Variants in ABRAXAS2 observed in about 807,000 individuals in gnomAD.
ABRAXAS2 encodes the protein BRISC complex subunit Abraxas 2.
In ABRAXAS2, 23 loss-of-function variants were observed where a neutral mutation model predicts 49.0. The ratio of observed to expected loss-of-function variants is 0.47; its 90% CI spans 0.34 to 0.66. The LOEUF is 0.66. Ranked by LOEUF, ABRAXAS2 falls within the 30% of genes least tolerant of loss-of-function variation. The pLI is 0.01. For synonymous variants in ABRAXAS2, 168 were observed against 180.2 expected (o/e 0.93, Z 0.54); for missense variants, 443 against 511.9 (o/e 0.87, Z 1.30).
chr10:124,836,204 CTG>C lies in ABRAXAS2; in HGVS notation c.*1235_*1236del, dbSNP rs1950967501. On this transcript the variant is annotated 3_prime_UTR_variant, in exon 9 of 9. Transcript: ENST00000298492. ...GCCTTCCCTTTGAACTAGTTAAAAT[CTG>C]TAAGAATAAGGAAGTTGTTGAAGGC... 6.6e-6 allele frequency: 1 copy of C among 152,534 alleles called. No homozygotes were observed. The highest frequency in any genetic ancestry group is 2.4e-5 in the African/African-American group (1 of 41,420). 9.4% of individuals were successfully genotyped at this position (152,534 alleles called of 1,614,324 possible).
chr10:124,816,437 C>A, intron 2 of ABRAXAS2, 139 bp from the exon 3 acceptor site: 1 of 626,494 alleles, frequency 1.6e-6, no homozygotes, highest in Non-Finnish European at 2.8e-6. Context: ...GACTGGTGTA[C>A]ATGTAGCAAC....
chr10:124,830,623 A>G (rs966520614), intron 7 of ABRAXAS2, among the ~76,000 whole-genome samples: 1 of 152,222 alleles, frequency 6.6e-6, no homozygotes, highest in Non-Finnish European at 1.5e-5. Context: ...AGAATAGGGA[A>G]CTTTATACAG....
intron 5 of ABRAXAS2, 144 bp downstream of exon 5, chr10:124,826,929 T>A: frequency 1.3e-6 from 1 of 796,072 alleles, no homozygotes; most frequent in South Asian, 1.7e-5. Flanking sequence ...CTGGCCAACA[T>A]GGTGAAATTC....
chr10:124,834,796 T>A lies in ABRAXAS2; in HGVS notation c.1073T>A (p.Leu358His), dbSNP rs1950959346. 2 of 1,614,008 alleles carry A rather than the reference T, an allele frequency of 1.2e-6. No homozygotes were observed. The highest frequency in any genetic ancestry group is 3.3e-5 in the Admixed American group (2 of 59,984). The change falls in exon 9 of 9, where the codon CTT becomes CAT. Residue 358 changes from leucine to histidine, a missense_variant. Physicochemically the swap from Leu to His is moderately conservative, Grantham distance 99. This residue lies in a region of ABRAXAS2 where 230 missense variants were observed against 237.0 expected (regional missense o/e 0.97). Coordinates refer to ENST00000298492, the MANE Select transcript of ABRAXAS2 (RefSeq NM_032182.4). The stretch of plus-strand genomic sequence containing the variant: ...AAGTATCCTGGAAGTGGGGCTGACC[T>A]TCCTCCTCCCCAAAGAGCAGCTGGA... The part of the protein sequence containing the change: ...GLKYPGSGAD[L>H]PPPQRAAGDS...
rs1359869266 is a variant in ABRAXAS2 at position 124,835,950 on chromosome 10, C to T, written c.*979C>T. 2.6e-5 allele frequency: 4 copies of T among 152,592 alleles called. No homozygotes were observed. The highest frequency in any genetic ancestry group is 9.7e-5 in the African/African-American group (4 of 41,430). 9.5% of individuals were successfully genotyped at this position (152,592 alleles called of 1,614,324 possible). A position where few individuals can be genotyped will look rare whatever the true frequency, so the allele number is the denominator to read the frequency against. On this transcript the variant is annotated 3_prime_UTR_variant, in exon 9 of 9. Transcript: ENST00000298492. The stretch of plus-strand genomic sequence containing the variant: ...AAGATTCATTTTCAAGCTGAATAAC[C>T]ATACTTATTTTATTTTAAGTTGCCA...
chr10:124,828,237 C>T (rs1185641769), intron 5 of ABRAXAS2, among the ~76,000 whole-genome samples: 1 of 152,140 alleles, frequency 6.6e-6, no homozygotes, highest in African/African-American at 2.4e-5. Context: ...TACCCTGTGA[C>T]CAGGCTGGAG....
At chr10:124,811,737 C>T (rs963089067) in intron 2 of ABRAXAS2, among the ~76,000 whole-genome samples, 2 of 150,242 alleles carry the variant, frequency 1.3e-5, no homozygotes. Context: ...GACTCCGTCT[C>T]AAAAAAAAAG....
rs756867383 is a variant in ABRAXAS2, at chr10:124,834,915, C to T, written c.1192C>T (p.Arg398Ter). The T allele has an allele frequency of 1.4e-5, 23 of 1,614,020 alleles. No homozygotes were observed. Among genetic ancestry groups the T allele is most frequent in the Non-Finnish European group, 1.9e-5 (22 of 1,179,976 alleles). ...NSEYSHSKDS[R>*]PMAHPDEDPR... ...TGAATACTCACATTCAAAGGATTCT[C>T]GACCCATGGCACATCCCGACGAGGA... The change falls in exon 9 of 9, where the codon CGA becomes TGA. Residue 398 changes from arginine to a stop codon, truncating the protein, a stop_gained. Transcript: ENST00000298492. LOFTEE classifies it high-confidence loss of function.
At chr10:124,825,865 AT>A (rs1042768426) in intron 4 of ABRAXAS2, among the ~76,000 whole-genome samples, 23 of 152,168 alleles carry the variant, frequency 1.5e-4, no homozygotes, top group African/African-American at 5.3e-4. Context: ...GATTCTGCAG[AT>A]TTGGGTGGGG....
intron 4 of ABRAXAS2, among the ~76,000 whole-genome samples, chr10:124,823,609 A>C (rs1439469676): frequency 6.6e-6 from 1 of 152,256 alleles, no homozygotes; most frequent in East Asian, 1.9e-4. Flanking sequence ...CCATATTGGG[A>C]TGAAAATGTA....
At chr10:124,834,309 T>TA (rs1950953635) in intron 8 of ABRAXAS2, among the ~76,000 whole-genome samples, 193 bp from the exon 9 acceptor site, 1 of 152,188 alleles carries the variant, frequency 6.6e-6, no homozygotes, top group African/African-American at 2.4e-5. Context: ...GTCATGGCCT[T>TA]AAATGAATTA....
intron 4 of ABRAXAS2, among the ~76,000 whole-genome samples, chr10:124,820,445 A>G (rs566419394): frequency 3.3e-5 from 5 of 152,140 alleles, no homozygotes; most frequent in Admixed American, 6.5e-5. Flanking sequence ...CTCATTTTTC[A>G]TATTTTAAAT....
intron 8 of ABRAXAS2, among the ~76,000 whole-genome samples, chr10:124,832,492 A>G (rs1950939593): frequency 6.6e-6 from 1 of 152,238 alleles, no homozygotes; most frequent in African/African-American, 2.4e-5. Context: ...AATGTAATTT[A>G]TGTTTCCAGG....
chr10:124,814,604 G>A (rs1486144636), intron 2 of ABRAXAS2, among the ~76,000 whole-genome samples: 5 of 151,968 alleles, frequency 3.3e-5, no homozygotes, highest in African/African-American at 4.8e-5. Context: ...GCCTCCCGAA[G>A]TGCTGGGATT....
chr10:124,833,065 G>A (rs1204946663), intron 8 of ABRAXAS2, among the ~76,000 whole-genome samples: 2 of 148,136 alleles, frequency 1.4e-5, no homozygotes, highest in African/African-American at 5.0e-5. Flanking sequence ...AGAATCGTTT[G>A]AACCCAGGAG....
chr10:124,830,133 A>G (rs1950922173), intron 7 of ABRAXAS2, among the ~76,000 whole-genome samples: 1 of 152,194 alleles, frequency 6.6e-6, no homozygotes, highest in African/African-American at 2.4e-5. Context: ...CCAGACCTGG[A>G]GAAAGCCTGA....
In ABRAXAS2 at chr10:124,828,871, C is replaced by T; in HGVS notation, c.574C>T (p.His192Tyr). The T allele has an allele frequency of 6.2e-7, 1 of 1,613,078 alleles. No individual in the cohort carries two copies. The highest frequency in any genetic ancestry group is 8.5e-7 in the Non-Finnish European group (1 of 1,179,548). Residue 192 changes from histidine to tyrosine, a missense_variant, in exon 6 of 9, where the codon CAT becomes TAT. Physicochemically the swap from His to Tyr is moderately conservative, Grantham distance 83. Coordinates refer to ENST00000298492, the MANE Select transcript of ABRAXAS2 (RefSeq NM_032182.4). ...GAGTTATGCCAAAGTGATTAAAGAACATGGGTAAGTTGAAAGGTAAAGTGC... is the reference window on the plus strand; with the variant it reads ...GAGTTATGCCAAAGTGATTAAAGAATATGGGTAAGTTGAAAGGTAAAGTGC... The part of the protein sequence containing the change: ...SQSYAKVIKE[H>Y]GTDFFDKDGV...
chr10:124,817,749 C>T (rs555451272), intron 3 of ABRAXAS2, among the ~76,000 whole-genome samples: 293 of 152,212 alleles, frequency 1.9e-3, no homozygotes, highest in Non-Finnish European at 3.1e-3. Flanking sequence ...TATTCACCCT[C>T]GAACATCCAC....
chr10:124,810,787 T>G (rs1032649367), intron 2 of ABRAXAS2, among the ~76,000 whole-genome samples: 3 of 151,816 alleles, frequency 2.0e-5, no homozygotes, highest in African/African-American at 7.2e-5. Flanking sequence ...TTCACCATGT[T>G]GGCCAGGATG....
Sources: gnomAD v4.1 joint callset for allele counts (sites outside exome capture counted in the v4.1 genomes callset) on GRCh38, gnomAD v4.1.1 for gene constraint, gnomAD v4.1.1 regional missense constraint, MANE v1.5 for transcripts, NCBI Gene and HGNC (gene_info 2026-07-23, HGNC 2026-07-21) for gene names.